Variants in RGS7 observed in about 807,000 individuals in gnomAD.
The protein encoded by RGS7 is regulator of G-protein signaling 7.
In RGS7, 27 loss-of-function variants were observed where a neutral mutation model predicts 81.1. That is an observed-to-expected ratio of 0.33 (90% confidence interval 0.25 to 0.46). RGS7 has a LOEUF of 0.46. Ranked by LOEUF, RGS7 falls within the 20% of genes least tolerant of loss-of-function variation. The pLI is 1.00. For missense variants in RGS7, 396 were observed against 607.4 expected (o/e 0.65, Z 3.66); for synonymous variants, 208 against 207.7 (o/e 1.00, Z -0.01).
chr1:240,972,930 T>C (rs1013117039), intron 4 of RGS7, among the ~76,000 whole-genome samples: 12 of 150,800 alleles, frequency 8.0e-5, no homozygotes, highest in African/African-American at 2.9e-4. Context: ...ATGCCTGTGG[T>C]CCCAGCTATT....
chr1:241,355,858 C>A (rs1471422017), intron 1 of RGS7, 32 bp from the exon 2 acceptor site: 7 of 1,100,508 alleles, frequency 6.4e-6, no homozygotes, highest in Non-Finnish European at 9.8e-6. Context: ...TCAGTGAGAT[C>A]CCAGTGGGAC....
chr1:240,862,803 A>C (rs1447561857), intron 9 of RGS7, among the ~76,000 whole-genome samples: 1 of 152,208 alleles, frequency 6.6e-6, no homozygotes, highest in African/African-American at 2.4e-5. Context: ...CAATCTCAAG[A>C]CTTTTAAAAT....
intron 3 of RGS7, among the ~76,000 whole-genome samples, chr1:241,006,170 T>C (rs2058681149): frequency 6.6e-6 from 1 of 152,192 alleles, no homozygotes; most frequent in South Asian, 2.1e-4. Flanking sequence ...CTCAATCTGA[T>C]TTTTAAGTGG....
At chr1:240,844,210 G>T (rs1218432721) in intron 9 of RGS7, among the ~76,000 whole-genome samples, 2 of 152,130 alleles carry the variant, frequency 1.3e-5, no homozygotes, top group African/African-American at 4.8e-5. Context: ...CTGGCAAACA[G>T]AAATTCAGCT....
intron 6 of RGS7, among the ~76,000 whole-genome samples, chr1:240,910,437 T>C (rs556254871): frequency 4.6e-5 from 7 of 152,240 alleles, no homozygotes; most frequent in African/African-American, 1.7e-4. Context: ...GAGGCTGGGA[T>C]AGGCAGGAGG....
At chr1:241,008,819 G>T (rs2058808829) in intron 3 of RGS7, among the ~76,000 whole-genome samples, 1 of 149,046 alleles carries the variant, frequency 6.7e-6, no homozygotes, top group Non-Finnish European at 1.5e-5. Flanking sequence ...CGTTGAGGCA[G>T]GAGAATTGCT....
At chr1:240,944,584 C>A (rs779497376) in intron 4 of RGS7, among the ~76,000 whole-genome samples, 70 of 151,926 alleles carry the variant, frequency 4.6e-4, no homozygotes, top group Non-Finnish European at 7.5e-4. Context: ...GCATGTATTT[C>A]TTCAAATCAG....
rs180881034 is a variant in RGS7, at chr1:241,144,725, C to A, written c.79-45963G>T. 8.4e-4 allele frequency among the ~76,000 whole-genome samples: 128 copies of A among 152,310 alleles called. No individual in the cohort carries two copies. Among genetic ancestry groups the A allele is most frequent in the African/African-American group, 2.9e-3 (122 of 41,572 alleles). On this transcript the variant is annotated intron_variant, in intron 2 of 18. Transcript: ENST00000440928. The surrounding 1 kb of genome is among the most constrained non-coding windows in gnomAD (Gnocchi z 4.7). Reference sequence around the variant, plus strand: ...TGTTTTTCCTCACGGCAGCAACAAGCCTGCAGCACAGCGCTACCAGCCAGC... The same window carrying A: ...TGTTTTTCCTCACGGCAGCAACAAGACTGCAGCACAGCGCTACCAGCCAGC...
chr1:241,191,201 C>T (rs897789263), intron 2 of RGS7, among the ~76,000 whole-genome samples: 35 of 152,218 alleles, frequency 2.3e-4, no homozygotes, highest in African/African-American at 7.7e-4. Context: ...AGGATGGTCT[C>T]GATCTCTTGA....
chr1:241,176,372 T>TTTGC lies in RGS7; in HGVS notation c.79-77614_79-77611dup, dbSNP rs373598479. ...ATTATTTTAAAAACTGAGTTACTAG[T>TTTGC]TTGCTTGCTTGCTTAAGCCCCCACT... On this transcript the variant is annotated intron_variant, in intron 2 of 18. Transcript: ENST00000440928. 3.6e-3 allele frequency among the ~76,000 whole-genome samples: 543 copies of TTTGC among 152,272 alleles called. 3 individuals carry two copies. The highest frequency in any genetic ancestry group is 0.012 in the African/African-American group (502 of 41,548).
At chr1:241,198,790 T>C (rs1008235866) in intron 2 of RGS7, among the ~76,000 whole-genome samples, 2 of 152,202 alleles carry the variant, frequency 1.3e-5, no homozygotes, top group Non-Finnish European at 2.9e-5. Flanking sequence ...CGTTAAGTTC[T>C]TTCAGGAAAC....
intron 7 of RGS7, 72 bp downstream of exon 7, chr1:240,869,983 C>T (rs1664188659): frequency 2.5e-6 from 3 of 1,202,268 alleles, no homozygotes; most frequent in African/African-American, 3.0e-5. Context: ...TAACATCCTG[C>T]CCAGAAAAGG....
At chr1:241,112,261 C>G (rs1048213844) in intron 2 of RGS7, among the ~76,000 whole-genome samples, 1 of 151,948 alleles carries the variant, frequency 6.6e-6, no homozygotes, top group Non-Finnish European at 1.5e-5. Context: ...TTTATGGTAA[C>G]ATACTTATAA....
intron 4 of RGS7, among the ~76,000 whole-genome samples, chr1:240,959,145 A>C (rs745469992): frequency 1.1e-4 from 16 of 152,192 alleles, no homozygotes; most frequent in Non-Finnish European, 1.8e-4. Context: ...GATATGACTA[A>C]AGTTTACTTT....
chr1:241,026,461 T>C (rs1278019808), intron 3 of RGS7, among the ~76,000 whole-genome samples: 1 of 152,020 alleles, frequency 6.6e-6, no homozygotes, highest in East Asian at 1.9e-4. Context: ...TGGTTGCACA[T>C]GCCTGTAATT....
chr1:241,333,235 C>T (rs2082068008), intron 2 of RGS7, among the ~76,000 whole-genome samples: 1 of 152,166 alleles, frequency 6.6e-6, no homozygotes. Context: ...TCAAGCCCTG[C>T]TAGACTACTG....
chr1:240,847,134 A>G (rs528388894), intron 9 of RGS7, among the ~76,000 whole-genome samples: 32 of 152,350 alleles, frequency 2.1e-4, no homozygotes, highest in African/African-American at 7.5e-4. Flanking sequence ...GATCCCCAAA[A>G]GTATTTTTCC....
At chr1:241,248,727 C>T (rs2076683489) in intron 2 of RGS7, among the ~76,000 whole-genome samples, 1 of 152,044 alleles carries the variant, frequency 6.6e-6, no homozygotes, top group Non-Finnish European at 1.5e-5. Flanking sequence ...ACTTTGAGCA[C>T]CAATACTAAA....
chr1:240,905,578 T>C (rs1326361788), intron 6 of RGS7, among the ~76,000 whole-genome samples: 1 of 152,222 alleles, frequency 6.6e-6, no homozygotes, highest in Non-Finnish European at 1.5e-5. Flanking sequence ...AGTCAGGATA[T>C]GAAGCCCAGT....
Sources: allele counts gnomAD v4.1 joint callset (sites outside exome capture counted in the v4.1 genomes callset), GRCh38; gene constraint gnomAD v4.1.1; non-coding constraint Gnocchi (gnomAD v3.1); transcripts MANE v1.5; gene names NCBI Gene and HGNC (gene_info 2026-07-23, HGNC 2026-07-21).